USP14: variants seen among roughly 807,000 people sequenced by gnomAD.
USP14 encodes the protein ubiquitin carboxyl-terminal hydrolase 14.
In USP14, 38 loss-of-function variants were observed where a neutral mutation model predicts 76.5. The ratio of observed to expected loss-of-function variants is 0.50; its 90% confidence interval spans 0.38 to 0.65. The LOEUF is 0.65. Ranked by LOEUF, USP14 falls within the 30% of genes least tolerant of loss-of-function variation. The probability of loss-of-function intolerance (pLI) is 0.00; values close to 1 mark genes in which losing one functional copy is unlikely to be tolerated. For synonymous variants in USP14, 192 were observed against 191.7 expected, an observed-to-expected ratio of 1.00 and a Z score of -0.01; for missense variants, 467 against 586.5, an observed-to-expected ratio of 0.80 and a Z score of 2.10.
chr18:196,819 T>C, intron 7 of USP14, 52 bp downstream of exon 7: 1 of 1,598,952 alleles, frequency 6.3e-7, no homozygotes, highest in Non-Finnish European at 8.5e-7. Context: ...TTAGGTTTCC[T>C]ACATTTACCG....
chr18:195,847 T>A (rs1054837200), intron 6 of USP14, among the ~76,000 whole-genome samples: 4 of 152,138 alleles, frequency 2.6e-5, no homozygotes, highest in Admixed American at 2.0e-4. Context: ...TTGTACTGAA[T>A]TAAAACACCC....
At chr18:196,525 A>AG in intron 6 of USP14, 112 bp from the exon 7 acceptor site, 1 of 1,081,060 alleles carries the variant, frequency 9.3e-7, no homozygotes, top group Non-Finnish European at 1.2e-6. Context: ...CTCCATCTCA[A>AG]AAAAAAAAAA....
At chr18:168,206 G>A (rs558060286) in intron 3 of USP14, among the ~76,000 whole-genome samples, 35 of 152,092 alleles carry the variant, frequency 2.3e-4, no homozygotes, top group Non-Finnish European at 4.1e-4. Flanking sequence ...GATTACAGGC[G>A]TGAGCCACCG....
rs1910245083 is a variant in USP14 at position 196,653 on chromosome 18, T to C, written c.480T>C (p.Phe160=). 1 of 1,613,998 alleles carries C rather than the reference T, an allele frequency of 6.2e-7. No homozygotes were observed. The highest frequency in any genetic ancestry group is 8.5e-7 in the Non-Finnish European group (1 of 1,179,942). ...GTCTTTAAGCCCTTAGAGATTTGTT[T>C]GATTCCATGGATAAAACTTCTTCCA... ...QYITAALRDL[F]DSMDKTSSSI... Residue 160 remains phenylalanine (F), a synonymous_variant, in exon 7 of 16, where the codon TTT becomes TTC. Coordinates refer to ENST00000261601, the MANE Select transcript of USP14 (RefSeq NM_005151.4).
chr18:198,964 T>A (rs1910315354), intron 9 of USP14, among the ~76,000 whole-genome samples: 1 of 152,206 alleles, frequency 6.6e-6, no homozygotes, highest in Non-Finnish European at 1.5e-5. Flanking sequence ...GCTTATAGTT[T>A]AGAGTTTATT....
chr18:188,030 T>C (rs539519930), intron 5 of USP14, among the ~76,000 whole-genome samples: 42 of 152,318 alleles, frequency 2.8e-4, no homozygotes, highest in African/African-American at 9.6e-4. Context: ...CGTGCTTCAC[T>C]GGCTAGAACT....
chr18:197,828 A>C (rs1598276954), intron 8 of USP14, 132 bp downstream of exon 8: 1 of 724,278 alleles, frequency 1.4e-6, no homozygotes, highest in East Asian at 2.8e-5. Flanking sequence ...TTAGATGCTC[A>C]ATCTGTAGTC....
At chr18:208,601 G>A (rs1431805752) in intron 13 of USP14, among the ~76,000 whole-genome samples, 1 of 151,806 alleles carries the variant, frequency 6.6e-6, no homozygotes, top group Non-Finnish European at 1.5e-5. Flanking sequence ...TCTGTTCCTT[G>A]TATTTTTAAA....
At chr18:180,481 A>G (rs1226353148) in intron 5 of USP14, 142 bp downstream of exon 5, 1 of 611,412 alleles carries the variant, frequency 1.6e-6, no homozygotes, top group African/African-American at 2.0e-5. Context: ...AATGCTTTTT[A>G]TAGTATTTAC....
intron 3 of USP14, among the ~76,000 whole-genome samples, chr18:168,272 T>G (rs1030411099): frequency 3.3e-5 from 5 of 152,316 alleles, no homozygotes; most frequent in African/African-American, 1.2e-4. Context: ...TTTATTCTTG[T>G]AAGCAATTCA....
At chr18:181,833 T>C (rs1909796981) in intron 5 of USP14, among the ~76,000 whole-genome samples, 1 of 152,184 alleles carries the variant, frequency 6.6e-6, no homozygotes, top group South Asian at 2.1e-4. Flanking sequence ...TACTTCTTTG[T>C]TGTTTTTCAA....
In USP14 at chr18:167,304, A is replaced by G. The variant is rs531718186; in HGVS notation, c.195+485A>G. Among the ~76,000 whole-genome samples, 8 of 152,344 alleles carry G rather than the reference A, an allele frequency of 5.3e-5. No homozygotes were observed. The South Asian group carries it at 1.7e-3, about 32-fold the overall frequency. On this transcript the variant is annotated intron_variant, in intron 3 of 15. Coordinates refer to ENST00000261601, the MANE Select transcript of USP14 (RefSeq NM_005151.4). The stretch of plus-strand genomic sequence containing the variant: ...TCCAAAAAAAGAGTCTTGAAATAAG[A>G]TAGTATATGTTCTTATGCTCTCCAA...
intron 3 of USP14, among the ~76,000 whole-genome samples, chr18:169,139 C>G (rs1909365797): frequency 6.7e-6 from 1 of 149,596 alleles, no homozygotes; most frequent in East Asian, 2.0e-4. Flanking sequence ...ACCTGTAATC[C>G]CAGCACTTTG....
Position 192,755 on chromosome 18 carries a change from A to G in USP14, c.405-87A>G, listed in dbSNP as rs1910125199. ...TGAGAAACTTGCAGTTGAGGGTGTC[A>G]TAAGAACTCCTTTTAACTGGTTTCT... On this transcript the variant is annotated intron_variant, in intron 5 of 15. Transcript: ENST00000261601. The G allele has an allele frequency of 1.4e-5, 18 of 1,299,558 alleles. 1 individual carries two copies. In the South Asian group the frequency reaches 1.8e-4, roughly 13 times the overall value. 80.5% of individuals were successfully genotyped at this position (1,299,558 alleles called of 1,614,324 possible).
chr18:188,546 TAC>T (rs1417743550), intron 5 of USP14, among the ~76,000 whole-genome samples: 1 of 151,528 alleles, frequency 6.6e-6, no homozygotes, highest in African/African-American at 2.4e-5. Context: ...GGTTTGGTGT[TAC>T]AGTTATGCTA....
chr18:192,765 C>T, intron 5 of USP14, 77 bp from the exon 6 acceptor site: 1 of 1,443,952 alleles, frequency 6.9e-7, no homozygotes, highest in Non-Finnish European at 9.6e-7. Flanking sequence ...ATAAGAACTC[C>T]TTTTAACTGG....
Position 211,968 on chromosome 18 carries a change from T to C in USP14, c.*684T>C, listed in dbSNP as rs1331773258. 1 of 152,210 alleles carries C rather than the reference T, an allele frequency of 6.6e-6. No homozygotes were observed. The highest frequency in any genetic ancestry group is 1.5e-5 in the Non-Finnish European group (1 of 68,036). 9.4% of individuals were successfully genotyped at this position (152,210 alleles called of 1,614,324 possible). A position where few individuals can be genotyped will look rare whatever the true frequency, so the allele number is the denominator to read the frequency against. On this transcript the variant is annotated 3_prime_UTR_variant, in exon 16 of 16. Coordinates refer to ENST00000261601, the MANE Select transcript of USP14 (RefSeq NM_005151.4). Reference sequence around the variant, plus strand: ...GGAATGGCTTTGTAATAATCAGTCTTAAGAAAATGTTGACAAGCTCTGGTT... The same window carrying C: ...GGAATGGCTTTGTAATAATCAGTCTCAAGAAAATGTTGACAAGCTCTGGTT...
At chr18:196,821 C>A (rs1178848682) in intron 7 of USP14, 54 bp downstream of exon 7, 5 of 1,596,080 alleles carry the variant, frequency 3.1e-6, no homozygotes, top group Non-Finnish European at 4.3e-6. Context: ...AGGTTTCCTA[C>A]ATTTACCGTA....
At position 203,090 on chromosome 18, in the gene USP14, C is replaced by G; in HGVS notation, c.943-8C>G. ...GTAATGGGATTTCTTTACATTTTGT[C>G]TCCTCAGTCCAAGATCAGCCGGCTG... On this transcript the variant is annotated splice_polypyrimidine_tract_variant and splice_region_variant and intron_variant, in intron 11 of 15. Coordinates refer to ENST00000261601, the MANE Select transcript of USP14 (RefSeq NM_005151.4). 37 of 1,612,262 alleles carry G rather than the reference C, an allele frequency of 2.3e-5. No individual in the cohort carries two copies. The highest frequency in any genetic ancestry group is 3.1e-5 in the Non-Finnish European group (37 of 1,179,482).
Sources: gnomAD v4.1 joint callset for allele counts (sites outside exome capture counted in the v4.1 genomes callset) on GRCh38, gnomAD v4.1.1 for gene constraint, MANE v1.5 for transcripts, NCBI Gene and HGNC (gene_info 2026-07-23, HGNC 2026-07-21) for gene names.